The following NMS variants were observed in gnomAD, a reference collection of about 807,000 sequenced individuals.
NMS encodes neuromedin-S.
In NMS, 30 loss-of-function variants were observed where a neutral mutation model predicts 32.2. The ratio of observed to expected loss-of-function variants is 0.93; its 90% CI spans 0.70 to 1.26. The LOEUF (loss-of-function observed/expected upper bound fraction) is 1.26, where lower values mean the gene tolerates loss of function less well. NMS is among the 50% of genes most tolerant of loss of function. The pLI, the probability that NMS is intolerant of heterozygous loss-of-function variation, is 0.00. For synonymous variants in NMS, 76 were observed against 58.5 expected (o/e 1.30, Z -1.37); for missense variants, 190 against 186.3 (o/e 1.02, Z -0.12).
chr2:100,480,076 C>T (rs7604590), intron 6 of NMS, among the ~76,000 whole-genome samples: 3,592 of 152,304 alleles, frequency 0.024, 62 homozygotes, highest in East Asian at 0.067. Context: ...GCACCAGCAG[C>T]AGTTTGTCTG....
intron 5 of NMS, among the ~76,000 whole-genome samples, chr2:100,477,937 A>G (rs191498660): frequency 3.3e-5 from 5 of 152,110 alleles, no homozygotes; most frequent in Admixed American, 3.3e-4. Flanking sequence ...ATGGGGTATG[A>G]TTTGAGGAAT....
chr2:100,480,406 G>A (rs1318850278), intron 6 of NMS, 90 bp from the exon 7 acceptor site: 2 of 1,351,280 alleles, frequency 1.5e-6, no homozygotes, highest in African/African-American at 2.9e-5. Context: ...TATCTTAGAA[G>A]CAAGGCAGGG....
Position 100,470,565 on chromosome 2 carries a change from G to A in NMS, c.76+1G>A. On this transcript the variant is annotated splice_donor_variant, in intron 1 of 9. Coordinates refer to ENST00000376865, the MANE Select transcript of NMS (RefSeq NM_001011717.1). LOFTEE classifies it high-confidence loss of function. Reference sequence around the variant, plus strand: ...TGCATGCTACAGATTCCCTCCTCAGGTAAGGGGAGCTTCCTCAGACTCCAT... The same window carrying A: ...TGCATGCTACAGATTCCCTCCTCAGATAAGGGGAGCTTCCTCAGACTCCAT... 6.2e-7 allele frequency: 1 copy of A among 1,611,910 alleles called. No homozygotes were observed. The highest frequency in any genetic ancestry group is 8.5e-7 in the Non-Finnish European group (1 of 1,178,110).
Position 100,482,263 on chromosome 2 carries a change from C to G in NMS, c.415-14C>G. 2.5e-6 allele frequency: 4 copies of G among 1,613,356 alleles called. No homozygotes were observed. Among genetic ancestry groups the G allele is most frequent in the Admixed American group, 1.7e-5 (1 of 59,988 alleles). On this transcript the variant is annotated splice_polypyrimidine_tract_variant and intron_variant, in intron 8 of 9. Transcript: ENST00000376865. ...TGTGTCTCAGTATTCATAAGTTGCTCCTTTTTTTTTCAGCCCAGGAATGGA... is the reference window on the plus strand; with the variant it reads ...TGTGTCTCAGTATTCATAAGTTGCTGCTTTTTTTTTCAGCCCAGGAATGGA...
chr2:100,470,530 C>G lies in NMS; in HGVS notation c.42C>G (p.Ile14Met). ...LRPQFPLILAIYCFCMLQIPS... is the reference protein window; with the variant it reads ...LRPQFPLILAMYCFCMLQIPS... ...CCCAGTTCCCTCTCATCTTGGCCAT[C>G]TACTGCTTCTGCATGCTACAGATTC... The change falls in exon 1 of 10, where the codon ATC becomes ATG. Residue 14 changes from isoleucine (I) to methionine (M), a missense_variant. Coordinates refer to ENST00000376865, the MANE Select transcript of NMS (RefSeq NM_001011717.1). The G allele has an allele frequency of 6.2e-7, 1 of 1,614,038 alleles. No individual in the cohort carries two copies. Among genetic ancestry groups the G allele is most frequent in the East Asian group, 2.2e-5 (1 of 44,882 alleles).
Position 100,470,549 on chromosome 2 carries a change from C to G in NMS, c.61C>G (p.Gln21Glu). 6.2e-7 allele frequency: 1 copy of G among 1,613,530 alleles called. No individual in the cohort carries two copies. The highest frequency in any genetic ancestry group is 8.5e-7 in the Non-Finnish European group (1 of 1,179,504). ...GGCCATCTACTGCTTCTGCATGCTA[C>G]AGATTCCCTCCTCAGGTAAGGGGAG... Reference protein sequence around the residue: ...ILAIYCFCMLQIPSSGFPQPL... With the variant: ...ILAIYCFCMLEIPSSGFPQPL... Residue 21 changes from glutamine to glutamate, a missense_variant, in exon 1 of 10, where the codon CAG becomes GAG. Physicochemically the swap from Gln to Glu is conservative, Grantham distance 29 (BLOSUM62 2). Transcript: ENST00000376865.
Position 100,482,837 on chromosome 2 carries a change from G to T in NMS, c.450-415G>T, listed in dbSNP as rs374168307. Among the ~76,000 whole-genome samples the T allele has an allele frequency of 6.6e-5, 10 of 152,354 alleles. No homozygotes were observed. In the East Asian group the frequency reaches 1.7e-3, roughly 26 times the overall value. On this transcript the variant is annotated intron_variant, in intron 9 of 9. Coordinates refer to ENST00000376865, the MANE Select transcript of NMS (RefSeq NM_001011717.1). ...CTTGGCCTTCAGGCCTGTGGAAGAT[G>T]AAGTGAATGCTCAAGGGCAGCTCCG...
intron 7 of NMS, among the ~76,000 whole-genome samples, chr2:100,480,851 A>T (rs1260310847): frequency 6.6e-6 from 1 of 152,160 alleles, no homozygotes; most frequent in Non-Finnish European, 1.5e-5. Context: ...ACTCCAATAG[A>T]GGTACTGCCA....
intron 2 of NMS, 118 bp from the exon 3 acceptor site, chr2:100,473,371 G>C (rs1195363788): frequency 2.6e-6 from 1 of 391,922 alleles, no homozygotes. Flanking sequence ...TCACTCTACT[G>C]AATTATCAAA....
At chr2:100,477,316 A>G (rs1047716805) in intron 4 of NMS, 45 bp from the exon 5 acceptor site, 1 of 1,610,740 alleles carries the variant, frequency 6.2e-7, no homozygotes. Context: ...CCATGTTTAG[A>G]GCAAGTGACA....
chr2:100,474,785 A>G (rs1677074254), intron 3 of NMS, among the ~76,000 whole-genome samples: 1 of 152,232 alleles, frequency 6.6e-6, no homozygotes, highest in Admixed American at 6.5e-5. Flanking sequence ...TGAATACATC[A>G]GGCCCATTTC....
intron 1 of NMS, among the ~76,000 whole-genome samples, chr2:100,470,997 A>C (rs1031695658): frequency 6.6e-6 from 1 of 152,224 alleles, no homozygotes; most frequent in African/African-American, 2.4e-5. Context: ...GGAGGAGCGC[A>C]CACTGGAAAA....
chr2:100,482,398 TG>T, intron 9 of NMS, 87 bp downstream of exon 9: 2 of 1,239,898 alleles, frequency 1.6e-6, no homozygotes, highest in Non-Finnish European at 1.2e-6. Flanking sequence ...GAGGCAGCCA[TG>T]GGGAGGACCA....
At chr2:100,478,511 G>A (rs187512875) in intron 5 of NMS, among the ~76,000 whole-genome samples, 26 of 152,302 alleles carry the variant, frequency 1.7e-4, no homozygotes, top group African/African-American at 6.0e-4. Context: ...TGCCCAGGCT[G>A]GAGTGCAATG....
At chr2:100,475,485 G>C (rs977392168) in intron 3 of NMS, among the ~76,000 whole-genome samples, 1 of 152,174 alleles carries the variant, frequency 6.6e-6, no homozygotes, top group Non-Finnish European at 1.5e-5. Context: ...GGGATTAGAA[G>C]ACGTTTCAAC....
At chr2:100,471,480 C>A (rs1215238616) in intron 1 of NMS, among the ~76,000 whole-genome samples, 1 of 152,216 alleles carries the variant, frequency 6.6e-6, no homozygotes, top group African/African-American at 2.4e-5. Context: ...TATTTAACTA[C>A]TTCAATGACC....
At chr2:100,470,680 C>G (rs1676991911) in intron 1 of NMS, 116 bp downstream of exon 1, 1 of 823,090 alleles carries the variant, frequency 1.2e-6, no homozygotes, top group African/African-American at 1.7e-5. Flanking sequence ...CCCGCCAGAC[C>G]TTCTTGATTT....
At chr2:100,478,079 A>C (rs1239538980) in intron 5 of NMS, among the ~76,000 whole-genome samples, 3 of 151,972 alleles carry the variant, frequency 2.0e-5, no homozygotes, top group African/African-American at 7.2e-5. Flanking sequence ...GTCCTGTCTC[A>C]GCCTCCCAAG....
intron 3 of NMS, among the ~76,000 whole-genome samples, chr2:100,474,559 C>T (rs936893666): frequency 1.3e-5 from 2 of 152,196 alleles, no homozygotes; most frequent in African/African-American, 4.8e-5. Context: ...TTCTTAGTTG[C>T]TCTGTGCCTC....
Sources: allele counts gnomAD v4.1 joint callset (sites outside exome capture counted in the v4.1 genomes callset), GRCh38; gene constraint gnomAD v4.1.1; transcripts MANE v1.5; gene names NCBI Gene and HGNC (gene_info 2026-07-23, HGNC 2026-07-21).